Variants in NEXMIF observed in about 807,000 individuals in gnomAD.
NEXMIF encodes XLMR protein related to neurite extension.
NEXMIF carries 8 observed loss-of-function variants against 62.1 expected under a neutral mutation model. The ratio of observed to expected loss-of-function variants is 0.13; its 90% confidence interval spans 0.08 to 0.23. The LOEUF (loss-of-function observed/expected upper bound fraction) is 0.23, where lower values mean the gene tolerates loss of function less well. Ranked by LOEUF, NEXMIF falls within the 10% of genes least tolerant of loss-of-function variation. The pLI is 1.00. For synonymous variants in NEXMIF, 404 were observed against 416.6 expected, an observed-to-expected ratio of 0.97 and a Z score of 0.37; for missense variants, 976 against 1,113.3, an observed-to-expected ratio of 0.88 and a Z score of 1.75.
intron 1 of NEXMIF, among the ~76,000 whole-genome samples, chrX:74,790,551 G>A (rs113443228): frequency 2.7e-5 from 3 of 111,851 alleles, no homozygotes; most frequent in Non-Finnish European, 3.8e-5. Context: ...CATTGAATCT[G>A]TAAATTACCT....
chrX:74,815,661 G>A (rs1218804788), intron 1 of NEXMIF, among the ~76,000 whole-genome samples: 12 of 100,818 alleles, frequency 1.2e-4, no homozygotes, highest in African/African-American at 4.4e-4. Flanking sequence ...TTGAGATGGA[G>A]TCTCGCTCTG....
At chrX:74,918,503 A>G (rs1165458119) in intron 1 of NEXMIF, among the ~76,000 whole-genome samples, 1 of 112,228 alleles carries the variant, frequency 8.9e-6, no homozygotes, top group Non-Finnish European at 1.9e-5. Flanking sequence ...GGCATAAAGA[A>G]TTTAGTGGCA....
At chrX:74,775,703 T>C (rs935720581) in intron 1 of NEXMIF, among the ~76,000 whole-genome samples, 3 of 111,716 alleles carry the variant, frequency 2.7e-5, no homozygotes, top group Admixed American at 9.5e-5. Flanking sequence ...CCAAGTGGAC[T>C]AGGGTTCAAT....
At chrX:74,746,485 GC>G (rs2080126508) in intron 1 of NEXMIF, among the ~76,000 whole-genome samples, 2 of 111,685 alleles carry the variant, frequency 1.8e-5, no homozygotes, top group Admixed American at 1.9e-4. Flanking sequence ...GGGGGTATCT[GC>G]CACATGCCAC....
At chrX:74,872,055 G>A (rs778966447) in intron 1 of NEXMIF, among the ~76,000 whole-genome samples, 2 of 111,455 alleles carry the variant, frequency 1.8e-5, no homozygotes, top group Non-Finnish European at 3.8e-5. Context: ...CACAATTCAC[G>A]TTCAGAGACT....
chrX:74,898,763 A>T, intron 1 of NEXMIF, among the ~76,000 whole-genome samples: 1 of 111,590 alleles, frequency 9.0e-6, no homozygotes, highest in South Asian at 3.7e-4. Flanking sequence ...GACTGTTATA[A>T]CTAATAACAA....
At chrX:74,799,524 C>G (rs774350181) in intron 1 of NEXMIF, among the ~76,000 whole-genome samples, 2 of 112,528 alleles carry the variant, frequency 1.8e-5, no homozygotes, top group South Asian at 7.4e-4. Context: ...CCACACTGGT[C>G]AGCAGCACAT....
chrX:74,811,646 C>T (rs2080360833), intron 1 of NEXMIF, among the ~76,000 whole-genome samples: 1 of 112,567 alleles, frequency 8.9e-6, no homozygotes, highest in South Asian at 3.6e-4. Flanking sequence ...CTGCTGTGGG[C>T]AAAAGTCAAT....
chrX:74,868,668 C>T (rs1477177937), intron 1 of NEXMIF, among the ~76,000 whole-genome samples: 1 of 110,095 alleles, frequency 9.1e-6, no homozygotes, highest in Admixed American at 9.8e-5. Flanking sequence ...ATAGCTAATA[C>T]ATGTGGGGCT....
chrX:74,869,650 A>C (rs2080593001), intron 1 of NEXMIF, among the ~76,000 whole-genome samples: 1 of 112,450 alleles, frequency 8.9e-6, no homozygotes, highest in African/African-American at 3.2e-5. Context: ...AACATGCAGA[A>C]ATCAGTCATA....
At chrX:74,846,759 T>C (rs769413073) in intron 1 of NEXMIF, among the ~76,000 whole-genome samples, 5 of 112,267 alleles carry the variant, frequency 4.5e-5, no homozygotes, top group Admixed American at 2.8e-4. Flanking sequence ...CTATGTGCTA[T>C]ATTGGGCACA....
chrX:74,856,091 GA>G (rs1439673566), intron 1 of NEXMIF, among the ~76,000 whole-genome samples: 14 of 112,065 alleles, frequency 1.2e-4, no homozygotes, highest in African/African-American at 4.2e-4. Context: ...TGTTCCTGAG[GA>G]AGCCCAAATA....
intron 1 of NEXMIF, among the ~76,000 whole-genome samples, chrX:74,820,294 C>T (rs1228913152): frequency 3.7e-5 from 4 of 109,576 alleles, no homozygotes; most frequent in Non-Finnish European, 5.7e-5. Flanking sequence ...ATGTATCAAA[C>T]CTGCACATTG....
chrX:74,836,259 A>T (rs769099769), intron 1 of NEXMIF, among the ~76,000 whole-genome samples: 1 of 112,799 alleles, frequency 8.9e-6, no homozygotes, highest in East Asian at 2.8e-4. Flanking sequence ...CAGGGAACCC[A>T]AGAGCCTGCT....
At chrX:74,822,505 T>C (rs1215572957) in intron 1 of NEXMIF, among the ~76,000 whole-genome samples, 1 of 112,113 alleles carries the variant, frequency 8.9e-6, no homozygotes, top group Non-Finnish European at 1.9e-5. Context: ...ATAAGGAACA[T>C]GTATCTAGAA....
At chrX:74,754,128 A>G (rs2080152200) in intron 1 of NEXMIF, among the ~76,000 whole-genome samples, 1 of 107,729 alleles carries the variant, frequency 9.3e-6, no homozygotes. Flanking sequence ...CACCCGGCTC[A>G]TTTTTGTATT....
chrX:74,744,581 A>G, intron 2 of NEXMIF, 104 bp from the exon 3 acceptor site: 1 of 529,862 alleles, frequency 1.9e-6, no homozygotes, highest in Non-Finnish European at 2.9e-6. Context: ...ATCTTATTAT[A>G]TAAGCTAAGC....
At chrX:74,819,119 C>A (rs2080386011) in intron 1 of NEXMIF, among the ~76,000 whole-genome samples, 1 of 112,103 alleles carries the variant, frequency 8.9e-6, no homozygotes, top group Non-Finnish European at 1.9e-5. Flanking sequence ...GTTGGAAAAA[C>A]TGGCTAGCCG....
At chrX:74,855,993 A>G (rs773493395) in intron 1 of NEXMIF, among the ~76,000 whole-genome samples, 1 of 112,416 alleles carries the variant, frequency 8.9e-6, no homozygotes, top group Non-Finnish European at 1.9e-5. Flanking sequence ...TATTCAAAAT[A>G]TCTAGTTTTC....
Sources: allele counts gnomAD v4.1 joint callset (sites outside exome capture counted in the v4.1 genomes callset), GRCh38; gene constraint gnomAD v4.1.1; transcripts MANE v1.5; gene names NCBI Gene and HGNC (gene_info 2026-07-23, HGNC 2026-07-21).